Variants in CARS2 observed in about 807,000 individuals in gnomAD.
CARS2 encodes probable cysteine--tRNA ligase, mitochondrial.
In CARS2, 52 loss-of-function variants were observed where a neutral mutation model predicts 68.8. That is an observed-to-expected ratio of 0.76 (90% CI 0.61 to 0.95). CARS2 has a LOEUF of 0.95. Among genes scored for constraint, CARS2 ranks in the 40% least tolerant of loss-of-function variants. CARS2 has a pLI of 0.00. For synonymous variants in CARS2, 314 were observed against 303.6 expected, an observed-to-expected ratio of 1.03 and a Z score of -0.36; for missense variants, 780 against 754.2, an observed-to-expected ratio of 1.03 and a Z score of -0.40.
At chr13:110,666,225 T>C (rs2062642971) in intron 8 of CARS2, 17 of 985,350 alleles carry the variant, frequency 1.7e-5, no homozygotes, top group Non-Finnish European at 1.9e-5. Flanking sequence ...CCCCTTCCCA[T>C]GTGAGCGCCA....
chr13:110,658,513 GT>G (rs1294993008), intron 9 of CARS2, among the ~76,000 whole-genome samples: 1 of 152,196 alleles, frequency 6.6e-6, no homozygotes, highest in Admixed American at 6.5e-5. Flanking sequence ...ATGTTACGTG[GT>G]TTTTTTAACC....
chr13:110,653,918 G>A lies in CARS2; in HGVS notation c.988-2818C>T, dbSNP rs768938248. Among the ~76,000 whole-genome samples the A allele has an allele frequency of 2.0e-5, 3 of 152,170 alleles. No homozygotes were observed. Among genetic ancestry groups the A allele is most frequent in the Admixed American group, 6.5e-5 (1 of 15,270 alleles). On this transcript the variant is annotated intron_variant, in intron 9 of 14. Coordinates refer to ENST00000257347, the MANE Select transcript of CARS2 (RefSeq NM_024537.4). The surrounding 1 kb of genome is among the most constrained non-coding windows in gnomAD (Gnocchi z 5.6). ...TATCAGCAAGTTTCTATACTACTCCGGTTCCACCGTGCAACCTGCCACGGC... is the reference window on the plus strand; with the variant it reads ...TATCAGCAAGTTTCTATACTACTCCAGTTCCACCGTGCAACCTGCCACGGC...
Position 110,644,485 on chromosome 13 carries a change from T to C in CARS2, c.1318-2A>G. 1 of 1,613,964 alleles carries C rather than the reference T, an allele frequency of 6.2e-7. No homozygotes were observed. The highest frequency in any genetic ancestry group is 8.5e-7 in the Non-Finnish European group (1 of 1,179,956). On this transcript the variant is annotated splice_acceptor_variant, in intron 12 of 14. Coordinates refer to ENST00000257347, the MANE Select transcript of CARS2 (RefSeq NM_024537.4). LOFTEE classifies it high-confidence loss of function. ...AGGACTTCTCGGCCCTTCAGGTTCC[T>C]GTAAGAGATCATGTCGCAGAAGCTC...
intron 13 of CARS2, chr13:110,642,783 TG>T (rs1385431581): frequency 1.4e-6 from 1 of 717,968 alleles, no homozygotes; most frequent in Non-Finnish European, 2.5e-6. Flanking sequence ...AAGAAAGGGC[TG>T]GGGGCTGCAT....
intron 9 of CARS2, among the ~76,000 whole-genome samples, chr13:110,654,664 T>C (rs192810595): frequency 0.013 from 2,049 of 151,964 alleles, 17 homozygotes; most frequent in Middle Eastern, 0.034. Context: ...ACACCTGTAA[T>C]CCCAGCGCTT....
At chr13:110,697,822 A>T (rs2063667237) in intron 3 of CARS2, 19 of 378,588 alleles carry the variant, frequency 5.0e-5, no homozygotes, top group South Asian at 3.7e-4. Flanking sequence ...ACAAACAGCA[A>T]TTGGGAAAAG....
At chr13:110,712,530 A>AGGGG (rs144160325) in intron 1 of CARS2, 19,283 of 242,870 alleles carry the variant, frequency 0.079, 683 homozygotes, top group Admixed American at 0.13. Flanking sequence ...TTTGGCCGGA[A>AGGGG]GGGGGGGGGC....
intron 1 of CARS2, chr13:110,713,031 C>A: frequency 6.7e-7 from 1 of 1,491,474 alleles, no homozygotes. Context: ...GAGAGGGTGC[C>A]AGTGCGCATG....
chr13:110,696,668 C>T (rs1483796857), intron 3 of CARS2, among the ~76,000 whole-genome samples: 1 of 152,200 alleles, frequency 6.6e-6, no homozygotes, highest in African/African-American at 2.4e-5. Context: ...TATGGAAATT[C>T]TCTGGTTCAA....
intron 14 of CARS2, 82 bp from the exon 15 acceptor site, chr13:110,641,690 G>T: frequency 8.8e-7 from 1 of 1,142,332 alleles, no homozygotes. Flanking sequence ...ATCAGGTTCA[G>T]GGTGCCTGTT....
At chr13:110,680,147 AG>A in intron 6 of CARS2, among the ~76,000 whole-genome samples, 1 of 122,852 alleles carries the variant, frequency 8.1e-6, no homozygotes, top group African/African-American at 3.2e-5. Context: ...TGGGAGGCCG[AG>A]GGGGGGGGGG....
intron 10 of CARS2, 65 bp from the exon 11 acceptor site, chr13:110,647,304 A>T (rs1888274060): frequency 6.4e-7 from 1 of 1,563,106 alleles, no homozygotes; most frequent in African/African-American, 1.3e-5. Flanking sequence ...CTGGTCCAGC[A>T]GAATCAGTGT....
chr13:110,669,105 T>A (rs2062731289), intron 7 of CARS2, among the ~76,000 whole-genome samples: 1 of 152,176 alleles, frequency 6.6e-6, no homozygotes, highest in Non-Finnish European at 1.5e-5. Flanking sequence ...GTTTGAGGTC[T>A]GAGGAATGAC....
At chr13:110,700,252 CGAGGAGACA>C (rs1179570128) in intron 3 of CARS2, among the ~76,000 whole-genome samples, 1 of 152,114 alleles carries the variant, frequency 6.6e-6, no homozygotes, top group Non-Finnish European at 1.5e-5. Flanking sequence ...TGAAGGAGAC[CGAGGAGACA>C]ACAGGACTCT....
Position 110,642,457 on chromosome 13 carries a change from C to G in CARS2, c.1481G>C (p.Arg494Pro), listed in dbSNP as rs748191524. 1.9e-6 allele frequency: 3 copies of G among 1,608,644 alleles called. No individual in the cohort carries two copies. Among genetic ancestry groups the G allele is most frequent in the Non-Finnish European group, 2.5e-6 (3 of 1,178,086 alleles). The stretch of plus-strand genomic sequence containing the variant: ...CAGCGCAAACTGCCGGACCTTCTGC[C>G]GGAACCGCACCAGCTCGTCCACCAC... ...HGVVDELVRF[R>P]QKVRQFALAM... is the part of the protein sequence containing the mutation. Residue 494 changes from arginine (R) to proline (P), a missense_variant, in exon 14 of 15, where the codon CGG becomes CCG. By Grantham distance (103) the Arg-to-Pro change is moderately radical. Transcript: ENST00000257347.
chr13:110,664,315 C>T (rs990250019), intron 8 of CARS2: 27 of 512,770 alleles, frequency 5.3e-5, no homozygotes, highest in Non-Finnish European at 6.8e-5. Flanking sequence ...GGAGACCAGT[C>T]TGGGCAACAT....
At chr13:110,664,068 G>C (rs2062581361) in intron 8 of CARS2, 1 of 985,222 alleles carries the variant, frequency 1.0e-6, no homozygotes, top group Non-Finnish European at 1.2e-6. Context: ...AAAGACAGGA[G>C]GAAAACCAAA....
intron 3 of CARS2, among the ~76,000 whole-genome samples, chr13:110,693,809 G>A (rs1424329477): frequency 6.6e-6 from 1 of 151,960 alleles, no homozygotes; most frequent in African/African-American, 2.4e-5. Context: ...GTCCTATTTC[G>A]GATTCTCTCA....
chr13:110,673,876 C>G (rs2062871235), intron 7 of CARS2, among the ~76,000 whole-genome samples: 1 of 152,152 alleles, frequency 6.6e-6, no homozygotes, highest in Admixed American at 6.5e-5. Flanking sequence ...TCTCAGGATA[C>G]AAAATCAATG....
Sources: allele counts gnomAD v4.1 joint callset (sites outside exome capture counted in the v4.1 genomes callset), GRCh38; gene constraint gnomAD v4.1.1; non-coding constraint Gnocchi (gnomAD v3.1); transcripts MANE v1.5; gene names NCBI Gene and HGNC (gene_info 2026-07-23, HGNC 2026-07-21).